Variants in TRAF7 observed in about 807,000 individuals in gnomAD.
TRAF7 encodes TNF receptor associated factor 7.
Under a neutral mutation model 89.3 loss-of-function variants are expected in TRAF7, and 45 were observed. The ratio of observed to expected loss-of-function variants is 0.50; its 90% CI spans 0.40 to 0.65. The LOEUF (loss-of-function observed/expected upper bound fraction) is 0.65, where lower values mean the gene tolerates loss of function less well. Among genes scored for constraint, TRAF7 ranks in the 30% least tolerant of loss-of-function variants. The pLI is 0.00. For missense variants in TRAF7, 677 were observed against 918.1 expected (o/e 0.74, Z 3.39); for synonymous variants, 406 against 369.2 (o/e 1.10, Z -1.14).
chr16:2,170,622 C>G lies in TRAF7; in HGVS notation c.240C>G (p.Ile80Met), dbSNP rs766073900. ...CCTCTCCCTCCACACAGCCCCCCATCAGCACTCCCCGCCGCTCCGACTCCG... is the reference window on the plus strand; with the variant it reads ...CCTCTCCCTCCACACAGCCCCCCATGAGCACTCCCCGCCGCTCCGACTCCG... ...PRDEEDSMPP[I>M]STPRRSDSAI... The change falls in exon 5 of 21, where the codon ATC becomes ATG. Residue 80 changes from isoleucine (I) to methionine (M), a missense_variant. By Grantham distance (10) the Ile-to-Met change is conservative. Around this residue, in one of 6 missense-constraint regions of TRAF7, gnomAD observed 240 missense variants for 191.9 expected, o/e 1.25. Coordinates refer to ENST00000326181, the MANE Select transcript of TRAF7 (RefSeq NM_032271.3). The G allele has an allele frequency of 5.0e-6, 8 of 1,608,316 alleles. No homozygotes were observed. In the Admixed American group the frequency reaches 5.0e-5, roughly 10 times the overall value.
rs1246403556 is a variant in TRAF7, at chr16:2,161,703, C to T, written c.-38-2180C>T. 1.3e-5 allele frequency among the ~76,000 whole-genome samples: 2 copies of T among 152,204 alleles called. No individual in the cohort carries two copies. The highest frequency in any genetic ancestry group is 2.9e-5 in the Non-Finnish European group (2 of 68,032). On this transcript the variant is annotated intron_variant, in intron 1 of 20. Transcript: ENST00000326181. This position sits in a 1 kb window ranked among gnomAD's most constrained non-coding sequence, Gnocchi z 5.2. Reference sequence around the variant, plus strand: ...TCCCAAAAGGGCTGAACCTCCTGTGCCGAGTCATGGCGCCCTGCACTTCAG... The same window carrying T: ...TCCCAAAAGGGCTGAACCTCCTGTGTCGAGTCATGGCGCCCTGCACTTCAG...
In TRAF7 at chr16:2,176,808, C is replaced by A; in HGVS notation, c.*234C>A. 2 of 629,212 alleles carry A rather than the reference C, an allele frequency of 3.2e-6. No individual in the cohort carries two copies. Among genetic ancestry groups the A allele is most frequent in the South Asian group, 3.7e-5 (2 of 53,994 alleles). The allele number at this position is 629,212 out of a possible 1,614,324, so 39.0% of individuals were successfully genotyped here. A position where few individuals can be genotyped will look rare whatever the true frequency, so the allele number is the denominator to read the frequency against. ...GCCAGGTACGACGCTTGCCCCGGCC[C>A]ACCCTCCATCCCCACCCTCCATCCC... On this transcript the variant is annotated 3_prime_UTR_variant, in exon 21 of 21. Coordinates refer to ENST00000326181, the MANE Select transcript of TRAF7 (RefSeq NM_032271.3).
chr16:2,176,381 G>A lies in TRAF7; in HGVS notation c.1995G>A (p.Val665=). ...RLFSGAVDST[V]KVWTC Reference sequence around the variant, plus strand: ...TCTCAGGGGCTGTGGATAGCACTGTGAAGGTCAGTGCCCGTGGCTCAGGCC... The same window carrying A: ...TCTCAGGGGCTGTGGATAGCACTGTAAAGGTCAGTGCCCGTGGCTCAGGCC... The change falls in exon 20 of 21, where the codon GTG becomes GTA. Residue 665 remains valine, a synonymous_variant. Transcript: ENST00000326181. The A allele has an allele frequency of 6.2e-7, 1 of 1,608,850 alleles. No individual in the cohort carries two copies. Among genetic ancestry groups the A allele is most frequent in the African/African-American group, 1.3e-5 (1 of 75,068 alleles).
intron 3 of TRAF7, among the ~76,000 whole-genome samples, chr16:2,166,155 CTG>C (rs1266999703): frequency 6.6e-6 from 1 of 152,230 alleles, no homozygotes; most frequent in Non-Finnish European, 1.5e-5. Context: ...GCCTCGGTGA[CTG>C]TGCTGTGCCC....
Position 2,162,974 on chromosome 16 carries a change from G to A in TRAF7, c.-38-909G>A, listed in dbSNP as rs1053726255. ...GCTGACAGAGCCTGGTGCCTCACGG[G>A]GGGAGAGTGGGCGTCATCCAGCATG... is the stretch of plus-strand genomic sequence containing the variant. On this transcript the variant is annotated intron_variant, in intron 1 of 20. Transcript: ENST00000326181. This position sits in a 1 kb window ranked among gnomAD's most constrained non-coding sequence, Gnocchi z 5.0. 1.3e-5 allele frequency among the ~76,000 whole-genome samples: 2 copies of A among 151,214 alleles called. No homozygotes were observed. Among genetic ancestry groups the A allele is most frequent in the African/African-American group, 2.4e-5 (1 of 41,452 alleles).
At chr16:2,171,475 G>C (rs540310498) in intron 6 of TRAF7, 97 bp from the exon 7 acceptor site, 1 of 1,579,982 alleles carries the variant, frequency 6.3e-7, no homozygotes, top group Admixed American at 1.8e-5. Flanking sequence ...TGGCTGCACT[G>C]GGCTTGGGGT....
rs777731136 is a variant in TRAF7, at chr16:2,174,207, T to C, written c.1264-44T>C. 9.4e-6 allele frequency: 15 copies of C among 1,603,258 alleles called. No individual in the cohort carries two copies. The African/African-American group carries it at 1.2e-4, about 13-fold the overall frequency. The stretch of plus-strand genomic sequence containing the variant: ...TTCCTGTCATGCTGCCCCTTGACAC[T>C]GGGCTGACCTTGCTGGGACCCACTG... On this transcript the variant is annotated intron_variant, in intron 13 of 20. Transcript: ENST00000326181.
At chr16:2,165,720 G>A (rs1283151111) in intron 2 of TRAF7, 159 bp from the exon 3 acceptor site, 1 of 752,910 alleles carries the variant, frequency 1.3e-6, no homozygotes, top group Non-Finnish European at 2.2e-6. Flanking sequence ...GCATGATTAA[G>A]CGTGTGAGTG....
chr16:2,164,749 G>A (rs2093075952), intron 2 of TRAF7, among the ~76,000 whole-genome samples: 2 of 120,004 alleles, frequency 1.7e-5, no homozygotes, highest in African/African-American at 6.7e-5. Context: ...TGTGAGTGCT[G>A]CGTGGCCTGG....
At chr16:2,175,257 G>A (rs371428218) in intron 15 of TRAF7, 44 bp from the exon 16 acceptor site, 75 of 1,611,240 alleles carry the variant, frequency 4.7e-5, no homozygotes, top group Non-Finnish European at 6.4e-5. Context: ...GACTCCAGGT[G>A]GCAGGGCTTG....
At position 2,175,302 on chromosome 16, in the gene TRAF7, T is replaced by C; in HGVS notation, c.1388T>C (p.Val463Ala). The change falls in exon 16 of 21, where the codon GTG becomes GCG. Residue 463 changes from valine (V) to alanine (A), a missense_variant and splice_region_variant. Physicochemically the swap from Val to Ala is moderately conservative, Grantham distance 64. Transcript: ENST00000326181. Reference sequence around the variant, plus strand: ...GGCTGCCGGTCCTTCCCCAATCAGGTGTGGGACATCCAGAACCTGCAGAAG... The same window carrying C: ...GGCTGCCGGTCCTTCCCCAATCAGGCGTGGGACATCCAGAACCTGCAGAAG... ...YSGSADCTII[V>A]WDIQNLQKVN... 2.5e-6 allele frequency: 4 copies of C among 1,613,212 alleles called. No homozygotes were observed. Among genetic ancestry groups the C allele is most frequent in the East Asian group, 2.2e-5 (1 of 44,864 alleles).
chr16:2,171,657 G>A (rs758154466), intron 7 of TRAF7, 52 bp downstream of exon 7: 12 of 1,612,126 alleles, frequency 7.4e-6, no homozygotes, highest in East Asian at 4.5e-5. Context: ...CATGGCTGCC[G>A]AGCAGAGGCG....
chr16:2,165,722 G>T (rs368531766), intron 2 of TRAF7, 157 bp from the exon 3 acceptor site: 1 of 771,564 alleles, frequency 1.3e-6, no homozygotes, highest in Non-Finnish European at 2.1e-6. Context: ...ATGATTAAGC[G>T]TGTGAGTGCT....
At position 2,167,302 on chromosome 16, in the gene TRAF7, G is replaced by A. The variant is rs554069450; in HGVS notation, c.140-775G>A. Among the ~76,000 whole-genome samples, 4 of 152,260 alleles carry A rather than the reference G, an allele frequency of 2.6e-5. No homozygotes were observed. The South Asian group carries it at 8.3e-4, about 32-fold the overall frequency. ...CCTCATGACAGATGGGGAAACCGAG[G>A]CCCAGTCACACGGCAGCCTCTCGAG... On this transcript the variant is annotated intron_variant, in intron 3 of 20. Coordinates refer to ENST00000326181, the MANE Select transcript of TRAF7 (RefSeq NM_032271.3).
Position 2,176,961 on chromosome 16 carries a change from C to T in TRAF7, c.*387C>T, listed in dbSNP as rs569215312. On this transcript the variant is annotated 3_prime_UTR_variant, in exon 21 of 21. Transcript: ENST00000326181. ...GTGGCTGTGAGTGGGGACAGCTCCT[C>T]GGGACAAGGGGGCTGTGTGTGGCCT... 2 of 425,914 alleles carry T rather than the reference C, an allele frequency of 4.7e-6. No individual in the cohort carries two copies. The highest frequency in any genetic ancestry group is 4.0e-5 in the East Asian group (1 of 24,952). 26.4% of individuals were successfully genotyped at this position (425,914 alleles called of 1,614,324 possible). A position where few individuals can be genotyped will look rare whatever the true frequency, so the allele number is the denominator to read the frequency against.
In TRAF7 at chr16:2,176,613, C is replaced by T. The variant is rs1417246896; in HGVS notation, c.*39C>T. The T allele has an allele frequency of 6.2e-7, 1 of 1,613,188 alleles. No individual in the cohort carries two copies. The highest frequency in any genetic ancestry group is 2.2e-5 in the East Asian group (1 of 44,860). On this transcript the variant is annotated 3_prime_UTR_variant, in exon 21 of 21. Transcript: ENST00000326181. Reference sequence around the variant, plus strand: ...AGGCTGTGGTTTCCCCTGAACCAGCCCTGGACCTTTCTGAGCCAGGCTGGC... The same window carrying T: ...AGGCTGTGGTTTCCCCTGAACCAGCTCTGGACCTTTCTGAGCCAGGCTGGC...
chr16:2,160,475 C>CGGTGTGGACGGGCGGGA (rs1296627965), intron 1 of TRAF7, among the ~76,000 whole-genome samples: 1 of 122,780 alleles, frequency 8.1e-6, no homozygotes, highest in Non-Finnish European at 1.7e-5. Context: ...GATGGGCGGG[C>CGGTGTGGACGGGCGGGA]GGTGTGGACG....
At chr16:2,173,040 A>AG in intron 9 of TRAF7, 142 bp from the exon 10 acceptor site, 1 of 640,320 alleles carries the variant, frequency 1.6e-6, no homozygotes, top group South Asian at 1.8e-5. Context: ...GATGGGGAGG[A>AG]GGGGCAGGAC....
At chr16:2,174,387 T>C in intron 14 of TRAF7, 54 bp downstream of exon 14, 1 of 1,562,090 alleles carries the variant, frequency 6.4e-7, no homozygotes, top group Non-Finnish European at 8.7e-7. Flanking sequence ...GACGTGGCGC[T>C]GCCACCCCGT....
Sources: allele counts gnomAD v4.1 joint callset (sites outside exome capture counted in the v4.1 genomes callset), GRCh38; gene constraint gnomAD v4.1.1; regional missense constraint gnomAD v4.1.1; non-coding constraint Gnocchi (gnomAD v3.1); transcripts MANE v1.5; gene names NCBI Gene and HGNC (gene_info 2026-07-23, HGNC 2026-07-21).